SLC16A7: variants seen among roughly 807,000 people sequenced by gnomAD.
SLC16A7 encodes monocarboxylate transporter 2.
SLC16A7 carries 33 observed loss-of-function variants against 34.9 expected under a neutral mutation model. That is an observed-to-expected ratio of 0.94 (90% CI 0.72 to 1.26). The LOEUF (loss-of-function observed/expected upper bound fraction) is 1.26, where lower values mean the gene tolerates loss of function less well. Ranked by LOEUF, SLC16A7 falls within the 50% of genes most tolerant of loss-of-function variation. SLC16A7 has a pLI of 0.00. For missense variants in SLC16A7, 573 were observed against 578.1 expected, an observed-to-expected ratio of 0.99 and a Z score of 0.09; for synonymous variants, 201 against 206.6, an observed-to-expected ratio of 0.97 and a Z score of 0.23.
intron 1 of SLC16A7, among the ~76,000 whole-genome samples, chr12:59,645,558 C>T (rs1203438365): frequency 6.6e-6 from 1 of 152,098 alleles, no homozygotes; most frequent in East Asian, 1.9e-4. Context: ...CCCTCCCAGC[C>T]CTGTGCAATG....
At chr12:59,651,849 G>A (rs1053467028) in intron 1 of SLC16A7, among the ~76,000 whole-genome samples, 3 of 151,940 alleles carry the variant, frequency 2.0e-5, no homozygotes, top group Non-Finnish European at 4.4e-5. Context: ...TTGAGGAAGG[G>A]AAAAGCAAAA....
At chr12:59,722,149 CATACCTA>C (rs1368650676) in intron 3 of SLC16A7, among the ~76,000 whole-genome samples, 1 of 151,940 alleles carries the variant, frequency 6.6e-6, no homozygotes, top group Non-Finnish European at 1.5e-5. Context: ...TCTGACTTCG[CATACCTA>C]AAATTCATCT....
At chr12:59,738,766 C>A (rs933156965) in intron 3 of SLC16A7, among the ~76,000 whole-genome samples, 1 of 150,858 alleles carries the variant, frequency 6.6e-6, no homozygotes, top group Non-Finnish European at 1.5e-5. Context: ...CACTTAGGTA[C>A]AAAAGAATCT....
chr12:59,731,721 C>T (rs2706312), intron 3 of SLC16A7, among the ~76,000 whole-genome samples: 18,659 of 152,046 alleles, frequency 0.12, 1,494 homozygotes, highest in African/African-American at 0.22. Flanking sequence ...CTCATTTGGC[C>T]CACACCAACA....
chr12:59,730,011 T>G (rs530445479), intron 3 of SLC16A7, among the ~76,000 whole-genome samples: 1 of 152,296 alleles, frequency 6.6e-6, no homozygotes, highest in South Asian at 2.1e-4. Flanking sequence ...GCAAGATAGT[T>G]CTGTGTCTAC....
At chr12:59,620,904 G>A (rs991956794) in intron 1 of SLC16A7, among the ~76,000 whole-genome samples, 13 of 151,766 alleles carry the variant, frequency 8.6e-5, no homozygotes, top group African/African-American at 2.9e-4. Context: ...ACCAATGTCC[G>A]AGCTTATGGC....
chr12:59,598,485 A>G (rs536214240), intron 1 of SLC16A7, among the ~76,000 whole-genome samples: 1 of 144,762 alleles, frequency 6.9e-6, no homozygotes, highest in South Asian at 2.1e-4. Context: ...TTTGCCTTTT[A>G]GTCCATTTTT....
At chr12:59,705,292 T>C (rs1020168810) in intron 3 of SLC16A7, among the ~76,000 whole-genome samples, 1 of 152,184 alleles carries the variant, frequency 6.6e-6, no homozygotes, top group Non-Finnish European at 1.5e-5. Context: ...AATTTCTAAG[T>C]GAGGCTACTT....
intron 1 of SLC16A7, among the ~76,000 whole-genome samples, chr12:59,648,396 A>T (rs1043038621): frequency 6.6e-6 from 1 of 152,152 alleles, no homozygotes; most frequent in Non-Finnish European, 1.5e-5. Context: ...ATTATAGATG[A>T]TATTAATATT....
At position 59,787,099 on chromosome 12, in the gene SLC16A7, T is replaced by C. The variant is rs1004220912; in HGVS notation, c.*7420T>C. ...ATCATTTAAAACATCAATATTGTATTAATAGAAAACATGTCAATATCTCAT... is the reference window on the plus strand; with the variant it reads ...ATCATTTAAAACATCAATATTGTATCAATAGAAAACATGTCAATATCTCAT... On this transcript the variant is annotated 3_prime_UTR_variant, in exon 6 of 6. Transcript: ENST00000547379. 1 of 152,108 alleles carries C rather than the reference T, an allele frequency of 6.6e-6. No individual in the cohort carries two copies. Among genetic ancestry groups the C allele is most frequent in the African/African-American group, 2.4e-5 (1 of 41,378 alleles). 9.4% of individuals were successfully genotyped at this position (152,108 alleles called of 1,614,324 possible). A position where few individuals can be genotyped will look rare whatever the true frequency, so the allele number is the denominator to read the frequency against.
chr12:59,729,743 T>C (rs1412909137), intron 3 of SLC16A7, among the ~76,000 whole-genome samples: 1 of 152,170 alleles, frequency 6.6e-6, no homozygotes, highest in Non-Finnish European at 1.5e-5. Flanking sequence ...TCTTCATTTG[T>C]CACTTAAAAT....
At chr12:59,633,462 G>A (rs1330055814) in intron 1 of SLC16A7, among the ~76,000 whole-genome samples, 2 of 152,000 alleles carry the variant, frequency 1.3e-5, no homozygotes, top group Admixed American at 6.6e-5. Flanking sequence ...AATCCCTACA[G>A]TTCCAGGTGT....
chr12:59,609,104 C>G (rs1246788165), intron 1 of SLC16A7, among the ~76,000 whole-genome samples: 1 of 152,160 alleles, frequency 6.6e-6, no homozygotes, highest in Non-Finnish European at 1.5e-5. Context: ...TATTGTCATG[C>G]CCAGGGAAGA....
intron 3 of SLC16A7, among the ~76,000 whole-genome samples, chr12:59,766,892 C>A (rs950802033): frequency 3.9e-5 from 6 of 151,920 alleles, no homozygotes; most frequent in African/African-American, 1.2e-4. Context: ...ATTGGAATAG[C>A]TTCAGAAGGA....
intron 1 of SLC16A7, among the ~76,000 whole-genome samples, chr12:59,650,150 G>A (rs1261785630): frequency 6.6e-6 from 1 of 151,810 alleles, no homozygotes; most frequent in Non-Finnish European, 1.5e-5. Context: ...TTTTAAAAGG[G>A]TATAGTCTTA....
At chr12:59,713,030 T>C (rs915858175) in intron 3 of SLC16A7, among the ~76,000 whole-genome samples, 2 of 152,126 alleles carry the variant, frequency 1.3e-5, no homozygotes, top group Non-Finnish European at 2.9e-5. Flanking sequence ...TCTTTTCTTT[T>C]CTTTTTTGAG....
At chr12:59,607,124 A>C (rs1565615599) in intron 1 of SLC16A7, among the ~76,000 whole-genome samples, 1 of 152,196 alleles carries the variant, frequency 6.6e-6, no homozygotes, top group Non-Finnish European at 1.5e-5. Context: ...CTTAGCCTGC[A>C]AAACCTGACA....
chr12:59,633,690 G>C (rs1046141800), intron 1 of SLC16A7, among the ~76,000 whole-genome samples: 1 of 151,972 alleles, frequency 6.6e-6, no homozygotes, highest in Non-Finnish European at 1.5e-5. Flanking sequence ...TGCATGGATG[G>C]GGAGGCCCCA....
intron 3 of SLC16A7, among the ~76,000 whole-genome samples, chr12:59,710,042 T>C (rs1208087244): frequency 6.6e-6 from 1 of 151,678 alleles, no homozygotes; most frequent in Non-Finnish European, 1.5e-5. Context: ...ATATAAGTTA[T>C]ATAAATTATT....
Sources: allele counts gnomAD v4.1 joint callset (sites outside exome capture counted in the v4.1 genomes callset), GRCh38; gene constraint gnomAD v4.1.1; transcripts MANE v1.5; gene names NCBI Gene and HGNC (gene_info 2026-07-23, HGNC 2026-07-21).